The following THSD4 variants were observed in gnomAD, a reference collection of about 807,000 sequenced individuals.
THSD4 encodes thrombospondin type 1 domain containing 4.
THSD4 carries 69 observed loss-of-function variants against 119.0 expected under a neutral mutation model. That is an observed-to-expected ratio of 0.58 (90% CI 0.48 to 0.71). THSD4 has a LOEUF of 0.71. Among genes scored for constraint, THSD4 ranks in the 30% least tolerant of loss-of-function variants. THSD4 has a pLI of 0.00. For missense variants in THSD4, 1,393 were observed against 1,391.1 expected (o/e 1.00, Z -0.02); for synonymous variants, 524 against 540.4 (o/e 0.97, Z 0.42).
rs565636696 is a variant in THSD4 at position 71,779,806 on chromosome 15, C to G, written c.*2432C>G. ...TGAAGAAGACCCGATGGATCAACCC[C>G]ATGTCTCCCTTGGGGAGAAAGTGCA... On this transcript the variant is annotated 3_prime_UTR_variant, in exon 18 of 18. Coordinates refer to ENST00000261862, the MANE Select transcript of THSD4 (RefSeq NM_024817.3). 1 of 150,854 alleles carries G rather than the reference C, an allele frequency of 6.6e-6. No individual in the cohort carries two copies. The highest frequency in any genetic ancestry group is 2.0e-4 in the East Asian group (1 of 5,120). The allele number at this position is 150,854 out of a possible 1,614,324, so 9.3% of individuals were successfully genotyped here.
At chr15:71,341,507 C>A in intron 6 of THSD4, 3 of 1,612,448 alleles carry the variant, frequency 1.9e-6, no homozygotes, top group Non-Finnish European at 2.5e-6. Context: ...CTGCGCACAC[C>A]TGCCAACTCC....
intron 8 of THSD4, among the ~76,000 whole-genome samples, chr15:71,662,137 G>A (rs1460660341): frequency 6.6e-6 from 1 of 152,138 alleles, no homozygotes; most frequent in Non-Finnish European, 1.5e-5. Flanking sequence ...GCACTTGAAA[G>A]ACTATTAAGT....
At chr15:71,511,488 T>A (rs2048282607) in intron 7 of THSD4, among the ~76,000 whole-genome samples, 1 of 152,212 alleles carries the variant, frequency 6.6e-6, no homozygotes, top group African/African-American at 2.4e-5. Flanking sequence ...AGGAAAAAGA[T>A]TTACTTTCAC....
intron 6 of THSD4, among the ~76,000 whole-genome samples, chr15:71,344,959 G>A (rs539214666): frequency 1.3e-5 from 2 of 152,196 alleles, no homozygotes; most frequent in Non-Finnish European, 2.9e-5. Context: ...AGAATTCTGA[G>A]TATGTGAGTG....
At chr15:71,493,056 C>T (rs2140705370) in intron 7 of THSD4, among the ~76,000 whole-genome samples, 1 of 152,330 alleles carries the variant, frequency 6.6e-6, no homozygotes. Flanking sequence ...CAAGAAGATA[C>T]TTCAGAGCCA....
chr15:71,486,751 T>A (rs1232949539), intron 7 of THSD4, among the ~76,000 whole-genome samples: 1 of 152,124 alleles, frequency 6.6e-6, no homozygotes, highest in Non-Finnish European at 1.5e-5. Context: ...TTGTGAATGC[T>A]GGCTCATGGT....
chr15:71,550,327 G>T (rs2048907714), intron 7 of THSD4, among the ~76,000 whole-genome samples: 1 of 152,206 alleles, frequency 6.6e-6, no homozygotes, highest in Non-Finnish European at 1.5e-5. Flanking sequence ...TAAGACCAAT[G>T]AGACATTGTT....
At chr15:71,399,728 T>A (rs2046500259) in intron 6 of THSD4, among the ~76,000 whole-genome samples, 1 of 152,114 alleles carries the variant, frequency 6.6e-6, no homozygotes, top group Non-Finnish European at 1.5e-5. Flanking sequence ...CCTGGGAACT[T>A]GTTAGAAATG....
chr15:71,492,437 T>A (rs2140703079), intron 7 of THSD4, among the ~76,000 whole-genome samples: 1 of 139,190 alleles, frequency 7.2e-6, no homozygotes, highest in South Asian at 2.3e-4. Flanking sequence ...TCTATTTTTG[T>A]TGTTGTTGTT....
In THSD4 at chr15:71,248,116, C is replaced by T. The variant is rs150105588; in HGVS notation, c.912+5020C>T. On this transcript the variant is annotated intron_variant, in intron 5 of 17. Transcript: ENST00000261862. ...GGAACATAGTGAGACCTTGTCTCTACAAAAAATTTAAGAAACAGCTGAGGT... is the reference window on the plus strand; with the variant it reads ...GGAACATAGTGAGACCTTGTCTCTATAAAAAATTTAAGAAACAGCTGAGGT... Among the ~76,000 whole-genome samples, 520 of 152,194 alleles carry T rather than the reference C, an allele frequency of 3.4e-3. 4 individuals are homozygous for T. The highest frequency in any genetic ancestry group is 0.014 in the Middle Eastern group (4 of 294).
rs887508016 is a variant in THSD4 at position 71,557,712 on chromosome 15, T to C, written c.1153-102818T>C. On this transcript the variant is annotated intron_variant, in intron 7 of 17. Coordinates refer to ENST00000261862, the MANE Select transcript of THSD4 (RefSeq NM_024817.3). ...GGAAAATGTTTAAAAGTTAAATATG[T>C]CTAGGAATTTGTCCATTTCATCTAC... 2.0e-5 allele frequency among the ~76,000 whole-genome samples: 3 copies of C among 152,312 alleles called. No homozygotes were observed. In the East Asian group the frequency reaches 5.8e-4, roughly 29 times the overall value.
intron 8 of THSD4, 131 bp from the exon 9 acceptor site, chr15:71,728,418 T>C: frequency 8.9e-7 from 1 of 1,128,906 alleles, no homozygotes; most frequent in South Asian, 1.5e-5. Flanking sequence ...AGGGCCTGGA[T>C]CATTGCCTGG....
At chr15:71,476,857 G>A (rs567994150) in intron 7 of THSD4, among the ~76,000 whole-genome samples, 1 of 152,060 alleles carries the variant, frequency 6.6e-6, no homozygotes, top group Non-Finnish European at 1.5e-5. Flanking sequence ...GTTTACTTTT[G>A]GAAAAGTGAG....
intron 6 of THSD4, among the ~76,000 whole-genome samples, chr15:71,343,325 T>C (rs1278770192): frequency 6.6e-6 from 1 of 152,226 alleles, no homozygotes; most frequent in Non-Finnish European, 1.5e-5. Context: ...ACTGATTGAT[T>C]GATAAATAAT....
chr15:71,192,324 C>G (rs891452591), intron 3 of THSD4, among the ~76,000 whole-genome samples: 2 of 151,986 alleles, frequency 1.3e-5, no homozygotes, highest in African/African-American at 4.8e-5. Flanking sequence ...GCTCTGTCAC[C>G]CAGGCTGGTG....
chr15:71,343,919 G>A (rs546431296), intron 6 of THSD4, among the ~76,000 whole-genome samples: 13 of 151,412 alleles, frequency 8.6e-5, no homozygotes, highest in South Asian at 2.1e-4. Context: ...TCACCGTGTC[G>A]CCTGGGCTGG....
At chr15:71,393,539 C>T (rs1482492077) in intron 6 of THSD4, among the ~76,000 whole-genome samples, 2 of 152,070 alleles carry the variant, frequency 1.3e-5, no homozygotes, top group Non-Finnish European at 2.9e-5. Context: ...GCCCCTTACC[C>T]GTGTCCTTTG....
At chr15:71,520,101 G>C (rs938765466) in intron 7 of THSD4, among the ~76,000 whole-genome samples, 2 of 152,266 alleles carry the variant, frequency 1.3e-5, no homozygotes, top group South Asian at 4.1e-4. Context: ...ACTATTATTA[G>C]CCCCATATCA....
chr15:71,197,490 G>A lies in THSD4; in HGVS notation c.100-17545G>A, dbSNP rs117672908. 9.3e-3 allele frequency among the ~76,000 whole-genome samples: 1,413 copies of A among 152,300 alleles called. 10 individuals are homozygous for A. Among genetic ancestry groups the A allele is most frequent in the Non-Finnish European group, 0.013 (872 of 68,034 alleles). On this transcript the variant is annotated intron_variant, in intron 3 of 17. Coordinates refer to ENST00000261862, the MANE Select transcript of THSD4 (RefSeq NM_024817.3). ...GTTTTGAAGCCCAGATGTTCCAACA[G>A]TGCTCCCTTTCACTTTCATTTCCCA...
Sources: gnomAD v4.1 joint callset for allele counts (sites outside exome capture counted in the v4.1 genomes callset) on GRCh38, gnomAD v4.1.1 for gene constraint, MANE v1.5 for transcripts, NCBI Gene and HGNC (gene_info 2026-07-23, HGNC 2026-07-21) for gene names.